The following SLC5A4 variants were observed in gnomAD, a reference collection of about 807,000 sequenced individuals.
SLC5A4 encodes solute carrier family 5 member 4.
Under a neutral mutation model 70.3 loss-of-function variants are expected in SLC5A4, and 55 were observed. The ratio of observed to expected loss-of-function variants is 0.78; its 90% CI spans 0.63 to 0.98. SLC5A4 has a LOEUF of 0.98. Among genes scored for constraint, SLC5A4 ranks in the 50% least tolerant of loss-of-function variants. The pLI is 0.00. For missense variants in SLC5A4, 735 were observed against 839.2 expected (o/e 0.88, Z 1.53); for synonymous variants, 268 against 305.7 (o/e 0.88, Z 1.29).
chr22:32,324,136 G>A, the SLC5A4 span, among the ~76,000 whole-genome samples: 3 of 148,452 alleles, frequency 2.0e-5, no homozygotes, highest in African/African-American at 4.9e-5. Context: ...GCTGAGGGTC[G>A]CTATGGCATT....
intron 8 of SLC5A4, 71 bp from the exon 9 acceptor site, chr22:32,233,105 C>T (rs545642450): frequency 6.5e-7 from 1 of 1,528,468 alleles, no homozygotes; most frequent in South Asian, 1.2e-5. Context: ...GCGTCCCTTT[C>T]CAGAGTTTAA....
the SLC5A4 span, among the ~76,000 whole-genome samples, chr22:32,325,198 C>T: frequency 9.8e-5 from 15 of 152,368 alleles, no homozygotes; most frequent in African/African-American, 2.9e-4. Flanking sequence ...GTGGCGCCTT[C>T]GCCAGGCCTG....
the SLC5A4 span, among the ~76,000 whole-genome samples, chr22:32,317,750 G>A: frequency 6.6e-6 from 1 of 152,198 alleles, no homozygotes. Context: ...ACAGGCAAGA[G>A]CCACCATCCC....
the SLC5A4 span, among the ~76,000 whole-genome samples, chr22:32,325,450 A>G: frequency 6.6e-6 from 1 of 152,230 alleles, no homozygotes; most frequent in African/African-American, 2.4e-5. Context: ...CACTCTGGGC[A>G]GATGGAACAG....
chr22:32,239,575 T>A (rs1926363007), intron 5 of SLC5A4, among the ~76,000 whole-genome samples: 1 of 27,390 alleles, frequency 3.7e-5, no homozygotes, highest in African/African-American at 2.2e-4. Flanking sequence ...TATATTTATA[T>A]ATATATTTAT....
chr22:32,330,818 AG>A, the SLC5A4 span, among the ~76,000 whole-genome samples: 2 of 9,712 alleles, frequency 2.1e-4, no homozygotes, highest in African/African-American at 9.4e-4. Flanking sequence ...GTGTTTTGGG[AG>A]GCTCTGGTGT....
the SLC5A4 span, among the ~76,000 whole-genome samples, chr22:32,310,152 CTCTG>C: frequency 5.9e-5 from 9 of 152,198 alleles, no homozygotes; most frequent in Admixed American, 2.0e-4. Flanking sequence ...TGAACTCCAG[CTCTG>C]TCTGTTTGGC....
At chr22:32,309,391 A>G in the SLC5A4 span, among the ~76,000 whole-genome samples, 3 of 152,238 alleles carry the variant, frequency 2.0e-5, no homozygotes, top group African/African-American at 7.2e-5. Flanking sequence ...TATTATTATT[A>G]CAAATTACAT....
At chr22:32,314,369 T>C in the SLC5A4 span, among the ~76,000 whole-genome samples, 1 of 152,228 alleles carries the variant, frequency 6.6e-6, no homozygotes, top group African/African-American at 2.4e-5. Context: ...CATTGCTGCA[T>C]TGCCAGGGCC....
At chr22:32,262,254 C>T in the SLC5A4 span, among the ~76,000 whole-genome samples, 3 of 152,184 alleles carry the variant, frequency 2.0e-5, no homozygotes, top group South Asian at 6.2e-4. Context: ...TCACACTGTT[C>T]TCCATAGTGG....
At chr22:32,310,920 C>T in the SLC5A4 span, among the ~76,000 whole-genome samples, 1 of 152,224 alleles carries the variant, frequency 6.6e-6, no homozygotes, top group Non-Finnish European at 1.5e-5. Context: ...CTCTTGCCCT[C>T]ATCTCCTGCC....
chr22:32,276,125 TA>T, the SLC5A4 span, among the ~76,000 whole-genome samples: 1 of 152,248 alleles, frequency 6.6e-6, no homozygotes, highest in Admixed American at 6.5e-5. Flanking sequence ...TTTAGTTCTA[TA>T]AATAGTATTA....
chr22:32,246,581 G>T (rs1242423926), intron 5 of SLC5A4, among the ~76,000 whole-genome samples: 1 of 152,156 alleles, frequency 6.6e-6, no homozygotes, highest in Non-Finnish European at 1.5e-5. Context: ...AGACTGGAGT[G>T]CAGTGGTGTG....
the SLC5A4 span, among the ~76,000 whole-genome samples, chr22:32,305,891 GGGCACTGTCACTC>G: frequency 1.3e-5 from 2 of 150,356 alleles, no homozygotes; most frequent in African/African-American, 2.5e-5. Flanking sequence ...GCCAGATTCA[GGGCACTGTCACTC>G]CTCTCTGACC....
intron 14 of SLC5A4, among the ~76,000 whole-genome samples, chr22:32,219,585 A>C (rs1275610328): frequency 7.2e-6 from 1 of 139,142 alleles, no homozygotes; most frequent in Non-Finnish European, 1.6e-5. Flanking sequence ...AGAAAAGTAA[A>C]ATTTCCAGAT....
the SLC5A4 span, chr22:32,273,092 C>CCCACTTCTAGCTCCATGGAT: frequency 1.6e-5 from 8 of 490,746 alleles, no homozygotes; most frequent in Non-Finnish European, 2.0e-5. Flanking sequence ...AGACAGATGG[C>CCCACTTCTAGCTCCATGGAT]GTCACTGCCC....
At chr22:32,250,438 G>A (rs1927075772) in intron 3 of SLC5A4, among the ~76,000 whole-genome samples, 1 of 152,146 alleles carries the variant, frequency 6.6e-6, no homozygotes, top group Non-Finnish European at 1.5e-5. Context: ...AGGATTGCTT[G>A]AGCCCAGGAG....
At chr22:32,292,242 AAT>A in the SLC5A4 span, among the ~76,000 whole-genome samples, 85 of 34,576 alleles carry the variant, frequency 2.5e-3, 11 homozygotes, top group African/African-American at 9.4e-3. Flanking sequence ...TTATATATAT[AAT>A]ATATACTAGA....
chr22:32,318,146 G>T, the SLC5A4 span, among the ~76,000 whole-genome samples: 1 of 151,484 alleles, frequency 6.6e-6, no homozygotes. Context: ...TTGTTGGTCC[G>T]TCCACATCTT....
Sources: allele counts gnomAD v4.1 joint callset (sites outside exome capture counted in the v4.1 genomes callset), GRCh38; gene constraint gnomAD v4.1.1; transcripts MANE v1.5; gene names NCBI Gene and HGNC (gene_info 2026-07-23, HGNC 2026-07-21).